The following RGS7 variants were observed in gnomAD, a reference collection of about 807,000 sequenced individuals.
RGS7 encodes regulator of G-protein signaling 7.
RGS7 carries 27 observed loss-of-function variants against 81.1 expected under a neutral mutation model. The observed-to-expected ratio is 0.33, with a 90% CI of 0.25 to 0.46. The LOEUF is 0.46. Ranked by LOEUF, RGS7 falls within the 20% of genes least tolerant of loss-of-function variation. The pLI is 1.00. For synonymous variants in RGS7, 208 were observed against 207.7 expected (o/e 1.00, Z -0.01); for missense variants, 396 against 607.4 (o/e 0.65, Z 3.66).
intron 2 of RGS7, among the ~76,000 whole-genome samples, chr1:241,105,860 G>A (rs1375245148): frequency 1.3e-5 from 2 of 152,156 alleles, no homozygotes; most frequent in Non-Finnish European, 2.9e-5. Context: ...ATTAAGCACA[G>A]GCATTTGGAG....
chr1:240,826,114 C>A (rs554705008), intron 10 of RGS7, among the ~76,000 whole-genome samples: 8 of 152,326 alleles, frequency 5.3e-5, no homozygotes, highest in South Asian at 4.1e-4. Flanking sequence ...ACCAGAGAGA[C>A]AGACCAGACA....
chr1:241,346,499 G>A (rs552224492), intron 2 of RGS7, among the ~76,000 whole-genome samples: 1 of 152,278 alleles, frequency 6.6e-6, no homozygotes, highest in South Asian at 2.1e-4. Flanking sequence ...AGGGACTTTG[G>A]ACCAGGCATT....
intron 2 of RGS7, among the ~76,000 whole-genome samples, chr1:241,273,492 T>A (rs1428954267): frequency 6.6e-6 from 1 of 152,098 alleles, no homozygotes; most frequent in Admixed American, 6.5e-5. Flanking sequence ...TTTGTTCATT[T>A]GTTTGTTTTG....
intron 2 of RGS7, among the ~76,000 whole-genome samples, chr1:241,334,667 G>T (rs1474973572): frequency 6.6e-6 from 1 of 152,070 alleles, no homozygotes; most frequent in East Asian, 1.9e-4. Flanking sequence ...TTTCTATACT[G>T]CAGTTTTCTA....
At chr1:240,803,849 TTTTC>T (rs1187613332) in intron 15 of RGS7, among the ~76,000 whole-genome samples, 1 of 151,904 alleles carries the variant, frequency 6.6e-6, no homozygotes, top group Admixed American at 6.6e-5. Context: ...TCCAGTTTTC[TTTTC>T]TTTCTTTTTT....
chr1:241,073,902 T>C (rs975038383), intron 3 of RGS7, among the ~76,000 whole-genome samples: 2 of 150,586 alleles, frequency 1.3e-5, no homozygotes, highest in Non-Finnish European at 2.9e-5. Flanking sequence ...TGTCTCTTCG[T>C]TCCTTTTTTT....
intron 2 of RGS7, among the ~76,000 whole-genome samples, chr1:241,154,430 G>A (rs1305389488): frequency 2.0e-5 from 3 of 152,170 alleles, no homozygotes; most frequent in Non-Finnish European, 2.9e-5. Flanking sequence ...TGAGTCCAGG[G>A]GAAGAAAGCC....
At chr1:241,259,667 A>AAAAAAAAAAATATAT in intron 2 of RGS7, among the ~76,000 whole-genome samples, 62 of 49,130 alleles carry the variant, frequency 1.3e-3, no homozygotes, top group South Asian at 2.1e-3. Context: ...AAAAAAAAAA[A>AAAAAAAAAAATATAT]ATATATATAT....
chr1:241,286,620 T>G (rs2078825211), intron 2 of RGS7, among the ~76,000 whole-genome samples: 1 of 152,208 alleles, frequency 6.6e-6, no homozygotes, highest in South Asian at 2.1e-4. Flanking sequence ...TGATTCAACC[T>G]CGGAACTCCT....
intron 6 of RGS7, among the ~76,000 whole-genome samples, chr1:240,876,732 A>G (rs1289755894): frequency 6.6e-6 from 1 of 152,096 alleles, no homozygotes; most frequent in Non-Finnish European, 1.5e-5. Context: ...GAGCTGAGGC[A>G]GGCAGATTGC....
At chr1:240,974,801 A>T (rs533334809) in intron 4 of RGS7, among the ~76,000 whole-genome samples, 1 of 152,292 alleles carries the variant, frequency 6.6e-6, no homozygotes, top group South Asian at 2.1e-4. Flanking sequence ...TCAGAGTTTT[A>T]AAAATTTGGC....
At chr1:241,165,687 G>A (rs966929622) in intron 2 of RGS7, among the ~76,000 whole-genome samples, 1 of 150,538 alleles carries the variant, frequency 6.6e-6, no homozygotes, top group Non-Finnish European at 1.5e-5. Context: ...GCTAGATGAC[G>A]AGTTAGTGGG....
chr1:240,855,693 T>A (rs1343137724), intron 9 of RGS7, among the ~76,000 whole-genome samples: 2 of 152,176 alleles, frequency 1.3e-5, no homozygotes, highest in African/African-American at 2.4e-5. Flanking sequence ...CTACCCTATG[T>A]TTAACCACTC....
At chr1:241,261,616 G>A (rs1402282343) in intron 2 of RGS7, among the ~76,000 whole-genome samples, 3 of 136,808 alleles carry the variant, frequency 2.2e-5, no homozygotes, top group African/African-American at 5.5e-5. Context: ...GCGACAGGGT[G>A]AGACTCTGTC....
intron 2 of RGS7, among the ~76,000 whole-genome samples, chr1:241,125,842 T>A (rs540868692): frequency 6.6e-6 from 1 of 152,318 alleles, no homozygotes; most frequent in South Asian, 2.1e-4. Flanking sequence ...CGATCTTATT[T>A]CCTCTTAGGA....
At chr1:241,108,302 C>CA (rs34848063) in intron 2 of RGS7, among the ~76,000 whole-genome samples, 14,948 of 70,424 alleles carry the variant, frequency 0.21, 1,621 homozygotes, top group African/African-American at 0.23. Context: ...GACTCCGTCT[C>CA]AAAAAAAAAA....
In RGS7 at chr1:241,287,501, C is replaced by A. The variant is rs570664491; in HGVS notation, c.78+68198G>T. 3.3e-5 allele frequency among the ~76,000 whole-genome samples: 5 copies of A among 152,332 alleles called. No homozygotes were observed. The South Asian group carries it at 1.0e-3, about 32-fold the overall frequency. On this transcript the variant is annotated intron_variant, in intron 2 of 18. Coordinates refer to ENST00000440928, the MANE Select transcript of RGS7 (RefSeq NM_001364886.1). ...GTCTTCTGCCATGATTATGAGGCTT[C>A]CCCAGCCATGTGGAACTGTGAGTCA... is the stretch of plus-strand genomic sequence containing the variant.
chr1:240,868,653 T>C lies in RGS7; in HGVS notation c.543A>G (p.Arg181=). Residue 181 remains arginine (R), a synonymous_variant, in exon 9 of 19, where the codon AGA becomes AGG. Coordinates refer to ENST00000440928, the MANE Select transcript of RGS7 (RefSeq NM_001364886.1). The surrounding 1 kb of genome is among the most constrained non-coding windows in gnomAD (Gnocchi z 5.1). The stretch of plus-strand genomic sequence containing the variant: ...CAAGGATCTTCCTTTCAATCTTGTC[T>C]CTCTTCTTGTCCACTCTGTCAACAC... The part of the protein sequence containing the change: ...AEAQAKVDKK[R]DKIERKILDS... 1 of 1,614,160 alleles carries C rather than the reference T, an allele frequency of 6.2e-7. No individual in the cohort carries two copies. The highest frequency in any genetic ancestry group is 8.5e-7 in the Non-Finnish European group (1 of 1,180,008).
Position 241,355,740 on chromosome 1 carries a change from C to T in RGS7, c.37G>A (p.Gly13Arg), listed in dbSNP as rs764551447. 10 of 1,614,026 alleles carry T rather than the reference C, an allele frequency of 6.2e-6. No individual in the cohort carries two copies. Among genetic ancestry groups the T allele is most frequent in the Non-Finnish European group, 8.5e-6 (10 of 1,180,034 alleles). Residue 13 changes from glycine (G) to arginine (R), a missense_variant, in exon 2 of 19, where the codon GGG becomes AGG. Gly to Arg is a moderately radical substitution (Grantham distance 125). Coordinates refer to ENST00000440928, the MANE Select transcript of RGS7 (RefSeq NM_001364886.1). Reference sequence around the variant, plus strand: ...ATGTTGGGTGATTCATCGGCCACCCCGTTGCTGGTCTGCCCATAATTATTC... The same window carrying T: ...ATGTTGGGTGATTCATCGGCCACCCTGTTGCTGGTCTGCCCATAATTATTC... ...QGNNYGQTSN[G>R]VADESPNMLV...
Sources: allele counts gnomAD v4.1 joint callset (sites outside exome capture counted in the v4.1 genomes callset), GRCh38; gene constraint gnomAD v4.1.1; non-coding constraint Gnocchi (gnomAD v3.1); transcripts MANE v1.5; gene names NCBI Gene and HGNC (gene_info 2026-07-23, HGNC 2026-07-21).